Variants in SOX6 observed in about 807,000 individuals in gnomAD.
SOX6 encodes transcription factor SOX-6.
Under a neutral mutation model 97.8 loss-of-function variants are expected in SOX6, and 11 were observed. The observed-to-expected ratio is 0.11, with a 90% CI of 0.07 to 0.19. The LOEUF (loss-of-function observed/expected upper bound fraction) is 0.19, where lower values mean the gene tolerates loss of function less well. Among genes scored for constraint, SOX6 ranks in the 10% least tolerant of loss-of-function variants. The pLI is 1.00. For missense variants in SOX6, 810 were observed against 1,039.5 expected, an observed-to-expected ratio of 0.78 and a Z score of 3.04; for synonymous variants, 360 against 371.4, an observed-to-expected ratio of 0.97 and a Z score of 0.35.
At chr11:16,543,315 T>A (rs950387819) in intron 4 of SOX6, among the ~76,000 whole-genome samples, 1 of 152,090 alleles carries the variant, frequency 6.6e-6, no homozygotes, top group African/African-American at 2.4e-5. Flanking sequence ...AACGGTAATA[T>A]CACTTTTAGA....
At chr11:16,043,351 C>T (rs1032278469) in intron 12 of SOX6, among the ~76,000 whole-genome samples, 2 of 152,036 alleles carry the variant, frequency 1.3e-5, no homozygotes, top group African/African-American at 2.4e-5. Flanking sequence ...TATGTTGAAA[C>T]GATGGAGCAG....
rs149945879 is a variant in SOX6 at position 16,258,858 on chromosome 11, T to C, written c.446-24187A>G. On this transcript the variant is annotated intron_variant, in intron 3 of 15. Coordinates refer to ENST00000683767, the MANE Select transcript of SOX6 (RefSeq NM_001367873.1). The stretch of plus-strand genomic sequence containing the variant: ...ACACACACACACATATATATACATA[T>C]ATATACACACATTATATATACATAT... 4.4e-3 allele frequency among the ~76,000 whole-genome samples: 663 copies of C among 151,648 alleles called. 4 individuals carry two copies. Among genetic ancestry groups the C allele is most frequent in the African/African-American group, 0.015 (608 of 41,416 alleles).
intron 3 of SOX6, among the ~76,000 whole-genome samples, chr11:16,660,644 C>T (rs1460722856): frequency 6.6e-6 from 1 of 152,136 alleles, no homozygotes; most frequent in Non-Finnish European, 1.5e-5. Context: ...GAAATACTAA[C>T]CCACAAGGTG....
At chr11:16,570,782 A>G (rs1239117359) in intron 4 of SOX6, among the ~76,000 whole-genome samples, 2 of 152,174 alleles carry the variant, frequency 1.3e-5, no homozygotes, top group Non-Finnish European at 2.9e-5. Flanking sequence ...TTTCAAATAT[A>G]CCTGTGTTGC....
intron 9 of SOX6, among the ~76,000 whole-genome samples, chr11:16,063,499 TATATATATATATATATATATATA>T (rs1848011158): frequency 1.3e-3 from 15 of 11,376 alleles, no homozygotes; most frequent in African/African-American, 1.8e-3. Context: ...CATAATTTTA[TATATATATATATATATATATATA>T]TATATATATA....
At chr11:16,068,910 T>C (rs1848156610) in intron 9 of SOX6, among the ~76,000 whole-genome samples, 1 of 152,232 alleles carries the variant, frequency 6.6e-6, no homozygotes, top group Admixed American at 6.5e-5. Flanking sequence ...GGGGAAACCC[T>C]GAGGCTTATT....
chr11:16,144,428 C>T (rs1850234436), intron 6 of SOX6, among the ~76,000 whole-genome samples: 1 of 152,152 alleles, frequency 6.6e-6, no homozygotes, highest in Non-Finnish European at 1.5e-5. Context: ...ACCCTAACAT[C>T]ACAATTAAAT....
chr11:16,576,445 C>T (rs1349546804), intron 4 of SOX6, among the ~76,000 whole-genome samples: 1 of 152,228 alleles, frequency 6.6e-6, no homozygotes, highest in South Asian at 2.1e-4. Context: ...AATCCCACTA[C>T]CTCAAAAACA....
Position 16,216,224 on chromosome 11 carries a change from A to T in SOX6, c.535+18358T>A, listed in dbSNP as rs552064416. 2.6e-5 allele frequency among the ~76,000 whole-genome samples: 4 copies of T among 152,306 alleles called. No individual in the cohort carries two copies. In the South Asian group the frequency reaches 8.3e-4, roughly 32 times the overall value. On this transcript the variant is annotated intron_variant, in intron 4 of 15. Coordinates refer to ENST00000683767, the MANE Select transcript of SOX6 (RefSeq NM_001367873.1). ...TGTTTTTGTCAGCGCTTTCTCTCTC[A>T]CTTCTTGGTAGGACTTTAAAAATAG...
At chr11:16,703,352 CT>C (rs1848108819) in intron 3 of SOX6, among the ~76,000 whole-genome samples, 1 of 152,040 alleles carries the variant, frequency 6.6e-6, no homozygotes, top group Non-Finnish European at 1.5e-5. Flanking sequence ...TGTATAATGT[CT>C]TGCCATTGCC....
chr11:16,632,964 G>C (rs1049574229), intron 3 of SOX6, among the ~76,000 whole-genome samples: 16 of 152,158 alleles, frequency 1.1e-4, no homozygotes, highest in Non-Finnish European at 1.9e-4. Context: ...GGAAGGGTAG[G>C]GTTGCTCAGG....
chr11:16,486,636 G>A (rs1009092529), intron 4 of SOX6, among the ~76,000 whole-genome samples: 4 of 152,080 alleles, frequency 2.6e-5, no homozygotes, highest in East Asian at 1.9e-4. Flanking sequence ...CAAGGTGGGC[G>A]AATCACTTGA....
At chr11:16,669,902 C>A (rs1165890612) in intron 3 of SOX6, among the ~76,000 whole-genome samples, 3 of 152,138 alleles carry the variant, frequency 2.0e-5, no homozygotes, top group Non-Finnish European at 4.4e-5. Flanking sequence ...AGTCAACCTG[C>A]AACTGCTCTG....
chr11:16,557,766 C>T (rs547926728), intron 4 of SOX6, among the ~76,000 whole-genome samples: 2 of 151,806 alleles, frequency 1.3e-5, no homozygotes, highest in Non-Finnish European at 3.0e-5. Flanking sequence ...TTATTAGCTC[C>T]TACAAGTCTA....
chr11:16,505,590 T>G (rs2133147084), intron 4 of SOX6, among the ~76,000 whole-genome samples: 1 of 152,220 alleles, frequency 6.6e-6, no homozygotes, highest in South Asian at 2.1e-4. Flanking sequence ...TTGCATAAGT[T>G]AAGAGGATCT....
chr11:16,709,621 G>GA (rs1432840637), intron 3 of SOX6, among the ~76,000 whole-genome samples: 1 of 152,150 alleles, frequency 6.6e-6, no homozygotes, highest in Non-Finnish European at 1.5e-5. Flanking sequence ...GGCCTCCCCA[G>GA]AAGCCAAGCA....
chr11:16,199,384 A>C (rs1402560808), intron 4 of SOX6, among the ~76,000 whole-genome samples: 1 of 152,232 alleles, frequency 6.6e-6, no homozygotes, highest in East Asian at 1.9e-4. Context: ...CTCTACTGCA[A>C]CAAACTTGGG....
intron 6 of SOX6, among the ~76,000 whole-genome samples, chr11:16,118,245 C>A (rs1419709541): frequency 1.3e-5 from 2 of 152,236 alleles, no homozygotes; most frequent in Non-Finnish European, 2.9e-5. Context: ...CCCCAAAGCA[C>A]AACTGTCCAT....
In SOX6 at chr11:16,129,731, T is replaced by C. The variant is rs548892842; in HGVS notation, c.778-17808A>G. 3.7e-4 allele frequency among the ~76,000 whole-genome samples: 57 copies of C among 152,266 alleles called. 1 individual carries two copies. The South Asian group carries it at 0.012, about 32-fold the overall frequency. ...ATTTCAATAGGTGCAGAGTAACACT[T>C]GAAAAAATTTAACACTTATTCATGA... On this transcript the variant is annotated intron_variant, in intron 6 of 15. Transcript: ENST00000683767.
Sources: allele counts gnomAD v4.1 joint callset (sites outside exome capture counted in the v4.1 genomes callset), GRCh38; gene constraint gnomAD v4.1.1; transcripts MANE v1.5; gene names NCBI Gene and HGNC (gene_info 2026-07-23, HGNC 2026-07-21).